Variants in SYCP1 observed in about 807,000 individuals in gnomAD.
The protein encoded by SYCP1 is cancer/testis antigen 8.
In SYCP1, 64 loss-of-function variants were observed where a neutral mutation model predicts 153.1. The ratio of observed to expected loss-of-function variants is 0.42; its 90% CI spans 0.34 to 0.51. The LOEUF is 0.51. Ranked by LOEUF, SYCP1 falls within the 20% of genes least tolerant of loss-of-function variation. The pLI, the probability that SYCP1 is intolerant of heterozygous loss-of-function variation, is 0.06. For synonymous variants in SYCP1, 384 were observed against 341.8 expected (o/e 1.12, Z -1.36); for missense variants, 997 against 1,049.0 (o/e 0.95, Z 0.68).
upstream of SYCP1, chr1:114,854,697 A>G (rs1048439972): frequency 6.6e-6 from 1 of 152,176 alleles, no homozygotes; most frequent in Non-Finnish European, 1.5e-5. Context: ...TTTCCCTAGC[A>G]TTCTTTGACA....
chr1:114,883,129 G>T (rs1482465491), intron 12 of SYCP1, among the ~76,000 whole-genome samples: 1 of 152,002 alleles, frequency 6.6e-6, no homozygotes, highest in Admixed American at 6.5e-5. Flanking sequence ...TCCTATTTTT[G>T]TCAGGAGCTT....
chr1:114,919,773 C>A (rs1668744514), intron 20 of SYCP1, among the ~76,000 whole-genome samples: 1 of 151,808 alleles, frequency 6.6e-6, no homozygotes, highest in African/African-American at 2.4e-5. Flanking sequence ...CTAGGTTTTC[C>A]AATTTATTGA....
chr1:114,923,125 TA>T (rs1489163430), intron 20 of SYCP1, among the ~76,000 whole-genome samples: 19 of 152,242 alleles, frequency 1.2e-4, no homozygotes, highest in African/African-American at 4.6e-4. Context: ...TTTAAAACTA[TA>T]AAAACATTTT....
chr1:114,882,752 T>TC (rs369334394), intron 12 of SYCP1, among the ~76,000 whole-genome samples: 6 of 152,102 alleles, frequency 3.9e-5, no homozygotes, highest in African/African-American at 1.2e-4. Context: ...TTGCTTTTTT[T>TC]CCCCCCATGC....
At chr1:114,986,745 ATC>A (rs2101969190) in intron 30 of SYCP1, among the ~76,000 whole-genome samples, 1 of 152,194 alleles carries the variant, frequency 6.6e-6, no homozygotes, top group Non-Finnish European at 1.5e-5. Flanking sequence ...CCAGGAATCC[ATC>A]TCTCTACCTA....
chr1:114,870,025 A>T lies in SYCP1; in HGVS notation c.599-4481A>T, dbSNP rs183908706. ...GCATTTTATTTTTATTTATTTATTTATTTTTTGAGACAGGGTCTTGGTCTG... is the reference window on the plus strand; with the variant it reads ...GCATTTTATTTTTATTTATTTATTTTTTTTTTGAGACAGGGTCTTGGTCTG... On this transcript the variant is annotated intron_variant, in intron 8 of 31. Coordinates refer to ENST00000369522, the MANE Select transcript of SYCP1 (RefSeq NM_003176.4). Among the ~76,000 whole-genome samples, 1,072 of 151,988 alleles carry T rather than the reference A, an allele frequency of 7.1e-3. 11 individuals are homozygous for T. Among genetic ancestry groups the T allele is most frequent in the African/African-American group, 0.025 (1,016 of 41,446 alleles).
chr1:114,968,894 A>C (rs1175857485), intron 27 of SYCP1, among the ~76,000 whole-genome samples: 1 of 152,048 alleles, frequency 6.6e-6, no homozygotes, highest in Non-Finnish European at 1.5e-5. Context: ...TGTTGATGAT[A>C]CTGCTTTCTG....
chr1:114,856,467 A>G (rs954920669), intron 2 of SYCP1, 106 bp from the exon 3 acceptor site: 3 of 673,316 alleles, frequency 4.5e-6, no homozygotes, highest in Non-Finnish European at 7.0e-6. Context: ...ATTTGCAATT[A>G]TAGTAACCTT....
Position 114,904,338 on chromosome 1 carries a change from G to T in SYCP1, c.1321-6059G>T, listed in dbSNP as rs370432357. On this transcript the variant is annotated intron_variant, in intron 16 of 31. Coordinates refer to ENST00000369522, the MANE Select transcript of SYCP1 (RefSeq NM_003176.4). The stretch of plus-strand genomic sequence containing the variant: ...TCACCGTGTTAGCCAGGATGGTCTC[G>T]ATCTCCTGACCTTGTGATCTGCCCA... Among the ~76,000 whole-genome samples, 10 of 152,024 alleles carry T rather than the reference G, an allele frequency of 6.6e-5. No homozygotes were observed. The East Asian group carries it at 1.7e-3, about 26-fold the overall frequency.
At chr1:114,884,792 T>C (rs922430297) in intron 12 of SYCP1, among the ~76,000 whole-genome samples, 3 of 152,216 alleles carry the variant, frequency 2.0e-5, no homozygotes, top group African/African-American at 7.2e-5. Context: ...ACTGGTTAAG[T>C]ATCATGCCCG....
intron 23 of SYCP1, among the ~76,000 whole-genome samples, chr1:114,940,321 T>G (rs1382677925): frequency 6.6e-6 from 1 of 152,184 alleles, no homozygotes; most frequent in Non-Finnish European, 1.5e-5. Context: ...GGTCTCAAAC[T>G]CTTGGCCTCA....
chr1:114,887,120 T>TAGGGG (rs1666366810), intron 14 of SYCP1, among the ~76,000 whole-genome samples: 2 of 152,190 alleles, frequency 1.3e-5, no homozygotes, highest in African/African-American at 4.8e-5. Context: ...TCCCCTAATT[T>TAGGGG]ATATATTTTT....
chr1:114,968,222 C>T (rs1023559612), intron 27 of SYCP1, among the ~76,000 whole-genome samples: 4 of 152,244 alleles, frequency 2.6e-5, no homozygotes, highest in Middle Eastern at 3.4e-3. Context: ...TGAATGTTGG[C>T]CTGTCTTGCT....
chr1:114,945,063 T>G (rs1670622879), intron 25 of SYCP1, 81 bp downstream of exon 25: 1 of 1,023,734 alleles, frequency 9.8e-7, no homozygotes, highest in Non-Finnish European at 1.4e-6. Context: ...CAAGATAGTA[T>G]TCTTATTTGT....
At chr1:114,924,272 C>G (rs528002676) in intron 21 of SYCP1, among the ~76,000 whole-genome samples, 122 of 152,214 alleles carry the variant, frequency 8.0e-4, no homozygotes, top group Non-Finnish European at 1.3e-3. Flanking sequence ...AGGACTCTGG[C>G]CTAGTTCAGT....
chr1:114,925,836 A>G (rs934573239), intron 21 of SYCP1, among the ~76,000 whole-genome samples: 2 of 152,206 alleles, frequency 1.3e-5, no homozygotes, highest in African/African-American at 2.4e-5. Flanking sequence ...TAACATGAAA[A>G]TGATTTTTTT....
At chr1:114,977,490 T>A (rs1484280872) in intron 27 of SYCP1, 67 bp from the exon 28 acceptor site, 6 of 980,368 alleles carry the variant, frequency 6.1e-6, no homozygotes, top group Non-Finnish European at 7.3e-6. Context: ...AGGAAAGATT[T>A]TGATAATATT....
In SYCP1 at chr1:114,857,136, C is replaced by CAAAAAAAAAAAA. The variant is rs71582509; in HGVS notation, c.194-86_194-75dup. ...ATAGTGCCAGATGTCCTCTCTCTCT[C>CAAAAAAAAAAAA]AAAAAAAAAAAAAAAAAAAAAGAGA... On this transcript the variant is annotated intron_variant, in intron 3 of 31. Coordinates refer to ENST00000369522, the MANE Select transcript of SYCP1 (RefSeq NM_003176.4). 3.4e-3 allele frequency: 842 copies of CAAAAAAAAAAAA among 244,996 alleles called. 21 individuals are homozygous for CAAAAAAAAAAAA. Among genetic ancestry groups the CAAAAAAAAAAAA allele is most frequent in the Middle Eastern group, 5.1e-3 (3 of 590 alleles). 15.2% of individuals were successfully genotyped at this position (244,996 alleles called of 1,614,324 possible). A position where few individuals can be genotyped will look rare whatever the true frequency, so the allele number is the denominator to read the frequency against.
rs1416872712 is a variant in SYCP1, at chr1:114,911,517, T to C, written c.1464T>C (p.Ile488=). 6.4e-7 allele frequency: 1 copy of C among 1,560,954 alleles called. No homozygotes were observed. The highest frequency in any genetic ancestry group is 8.6e-7 in the Non-Finnish European group (1 of 1,158,624). Residue 488 remains isoleucine (I), a synonymous_variant, in exon 18 of 32, where the codon ATT becomes ATC. Transcript: ENST00000369522. ...ATTTGGAAATACAGTTAACTGCCATTACCACAAGTGAACAGTATTATTCAA... is the reference window on the plus strand; with the variant it reads ...ATTTGGAAATACAGTTAACTGCCATCACCACAAGTGAACAGTATTATTCAA... ...VHDLEIQLTA[I]TTSEQYYSKE... is the part of the protein sequence containing the mutation.
Sources: gnomAD v4.1 joint callset for allele counts (sites outside exome capture counted in the v4.1 genomes callset) on GRCh38, gnomAD v4.1.1 for gene constraint, MANE v1.5 for transcripts, NCBI Gene and HGNC (gene_info 2026-07-23, HGNC 2026-07-21) for gene names.